The following ZNF783 variants were observed in gnomAD, a reference collection of about 807,000 sequenced individuals.
The protein encoded by ZNF783 is protein ZNF783.
A neutral mutation model predicts 31.3 loss-of-function variants in ZNF783; 25 were observed. The ratio of observed to expected loss-of-function variants is 0.80; its 90% CI spans 0.58 to 1.11. The LOEUF is 1.11. Ranked by LOEUF, ZNF783 falls within the 50% of genes most tolerant of loss-of-function variation. The probability of loss-of-function intolerance (pLI) is 0.00; values close to 1 mark genes in which losing one functional copy is unlikely to be tolerated. For missense variants in ZNF783, 797 were observed against 760.0 expected (o/e 1.05, Z -0.57); for synonymous variants, 369 against 319.1 (o/e 1.16, Z -1.66).
At position 149,267,135 on chromosome 7, in the gene ZNF783, G is replaced by A; in HGVS notation, c.586G>A (p.Glu196Lys). The change falls in exon 4 of 6, where the codon GAG becomes AAG. Residue 196 changes from glutamate (E) to lysine (K), a missense_variant. Coordinates refer to ENST00000434415, the MANE Select transcript of ZNF783 (RefSeq NM_001195220.2). ...CAAACCAGACATCCTCACCCGGATAGAGAGGGGAGAGGAGCCTTGTCTTGA... is the reference window on the plus strand; with the variant it reads ...CAAACCAGACATCCTCACCCGGATAAAGAGGGGAGAGGAGCCTTGTCTTGA... ...ISKPDILTRIERGEEPCLDRW... is the reference protein window; with the variant it reads ...ISKPDILTRIKRGEEPCLDRW... 1 of 1,599,608 alleles carries A rather than the reference G, an allele frequency of 6.3e-7. No homozygotes were observed. The highest frequency in any genetic ancestry group is 8.5e-7 in the Non-Finnish European group (1 of 1,179,786).
intron 4 of ZNF783, chr7:149,276,253 GTT>G (rs1230269973): frequency 2.6e-6 from 2 of 763,642 alleles, no homozygotes; most frequent in Non-Finnish European, 3.2e-6. Flanking sequence ...AGACTGTTCT[GTT>G]TCTCATTCTT....
chr7:149,266,956 G>C lies in ZNF783; in HGVS notation c.547+11G>C. 6.2e-7 allele frequency: 1 copy of C among 1,614,084 alleles called. No homozygotes were observed. The highest frequency in any genetic ancestry group is 1.1e-5 in the South Asian group (1 of 91,066). Reference sequence around the variant, plus strand: ...CGCTGGTCTCCCTGGGTAAGGCCACGGAGGGAGGATCTGGGCCTCTGTCCA... The same window carrying C: ...CGCTGGTCTCCCTGGGTAAGGCCACCGAGGGAGGATCTGGGCCTCTGTCCA... On this transcript the variant is annotated intron_variant, in intron 3 of 5. Transcript: ENST00000434415.
Position 149,284,759 on chromosome 7 carries a change from A to G in ZNF783, c.*2416A>G, listed in dbSNP as rs540186861. 1 of 152,322 alleles carries G rather than the reference A, an allele frequency of 6.6e-6. No homozygotes were observed. Among genetic ancestry groups the G allele is most frequent in the Admixed American group, 6.5e-5 (1 of 15,308 alleles). The allele number at this position is 152,322 out of a possible 1,614,324, so 9.4% of individuals were successfully genotyped here. A position where few individuals can be genotyped will look rare whatever the true frequency, so the allele number is the denominator to read the frequency against. ...TTTGCCTAGCACTCAGACCTGTTTA[A>G]GTAACGTTCTTTACATTGAAACAAG... On this transcript the variant is annotated 3_prime_UTR_variant, in exon 6 of 6. Transcript: ENST00000434415.
chr7:149,262,391 G>T lies in ZNF783; in HGVS notation c.24+34G>T, dbSNP rs1463732381. ...CCTCGGCCCCGCGGACGCCCGGAAG[G>T]CCCAGGCCGCCGCCGCGTGAGCCCG... On this transcript the variant is annotated intron_variant, in intron 1 of 5. Transcript: ENST00000434415. 1.3e-5 allele frequency: 16 copies of T among 1,223,514 alleles called. No homozygotes were observed. The Admixed American group carries it at 1.8e-4, about 14-fold the overall frequency. 75.8% of individuals were successfully genotyped at this position (1,223,514 alleles called of 1,614,324 possible).
At position 149,266,532 on chromosome 7, in the gene ZNF783, C is replaced by T. The variant is rs367827730; in HGVS notation, c.222C>T (p.Ala74=). The stretch of plus-strand genomic sequence containing the variant: ...CTCTGGAGGGGCGCACGGGGACAGC[C>T]GAGAAGAAGCTGGCCGACTGCGAGA... ...LLTLEGRTGT[A]EKKLADCEKT... Residue 74 remains alanine (A), a synonymous_variant, in exon 2 of 6, where the codon GCC becomes GCT. Coordinates refer to ENST00000434415, the MANE Select transcript of ZNF783 (RefSeq NM_001195220.2). The T allele has an allele frequency of 8.4e-5, 136 of 1,613,978 alleles. No individual in the cohort carries two copies. Among genetic ancestry groups the T allele is most frequent in the African/African-American group, 6.7e-4 (50 of 75,028 alleles).
chr7:149,262,498 GC>G, intron 1 of ZNF783, 141 bp downstream of exon 1: 1 of 745,336 alleles, frequency 1.3e-6, no homozygotes, highest in Non-Finnish European at 1.8e-6. Flanking sequence ...CCGGCCCATC[GC>G]CCAGCCCGCG....
At position 149,282,299 on chromosome 7, in the gene ZNF783, G is replaced by C; in HGVS notation, c.1597G>C (p.Gly533Arg). 1.3e-6 allele frequency: 2 copies of C among 1,569,468 alleles called. No individual in the cohort carries two copies. Among genetic ancestry groups the C allele is most frequent in the Non-Finnish European group, 1.7e-6 (2 of 1,166,106 alleles). Residue 533 changes from glycine to arginine, a missense_variant, in exon 6 of 6, where the codon GGG becomes CGG. By Grantham distance (125) the Gly-to-Arg change is moderately radical (BLOSUM62 -2). Coordinates refer to ENST00000434415, the MANE Select transcript of ZNF783 (RefSeq NM_001195220.2). ...CTTCCCTGCCGCCCCCGCCCGCCAC[G>C]GGAGCCTGCCCCTGCCCTGGCCCAG... ...PHFPAAPARH[G>R]SLPLPWPSRK... is the part of the protein sequence containing the mutation.
chr7:149,263,165 G>T (rs1796976300), intron 1 of ZNF783, among the ~76,000 whole-genome samples: 1 of 151,790 alleles, frequency 6.6e-6, no homozygotes, highest in South Asian at 2.1e-4. Flanking sequence ...CTGACCTCGT[G>T]ATCTGCCCGC....
chr7:149,278,069 G>A (rs1797374941), intron 4 of ZNF783: 1 of 862,332 alleles, frequency 1.2e-6, no homozygotes, highest in East Asian at 6.8e-5. Context: ...GACTGCGGGA[G>A]GTGGTGACCA....
At chr7:149,270,898 A>G (rs980569594) in intron 4 of ZNF783, among the ~76,000 whole-genome samples, 1 of 152,232 alleles carries the variant, frequency 6.6e-6, no homozygotes, top group Non-Finnish European at 1.5e-5. Context: ...TTGGAAAGAA[A>G]AAAGAAATCA....
rs1212638349 is a variant in ZNF783 at position 149,266,725 on chromosome 7, C to T, written c.415C>T (p.Pro139Ser). 8.7e-6 allele frequency: 14 copies of T among 1,613,630 alleles called. No homozygotes were observed. Among genetic ancestry groups the T allele is most frequent in the Non-Finnish European group, 1.2e-5 (14 of 1,179,834 alleles). Reference protein sequence around the residue: ...RLPPGSKGEAPKVPVTFDDVA... With the variant: ...RLPPGSKGEASKVPVTFDDVA... Reference sequence around the variant, plus strand: ...GCCCCCGGGCAGCAAGGGGGAGGCCCCCAAGGTAGCACCGGGACACCCTGG... The same window carrying T: ...GCCCCCGGGCAGCAAGGGGGAGGCCTCCAAGGTAGCACCGGGACACCCTGG... The change falls in exon 2 of 6, where the codon CCC (proline) becomes TCC (serine). Residue 139 changes from proline (P) to serine (S), a missense_variant. Transcript: ENST00000434415.
rs867612408 is a variant in ZNF783, at chr7:149,266,546, C to T, written c.236C>T (p.Ala79Val). The T allele has an allele frequency of 6.2e-7, 1 of 1,614,160 alleles. No homozygotes were observed. The highest frequency in any genetic ancestry group is 8.5e-7 in the Non-Finnish European group (1 of 1,180,044). The change falls in exon 2 of 6, where the codon GCC becomes GTC. Residue 79 changes from alanine (A) to valine (V), a missense_variant. Coordinates refer to ENST00000434415, the MANE Select transcript of ZNF783 (RefSeq NM_001195220.2). ...GRTGTAEKKL[A>V]DCEKTAVEFG... ...ACGGGGACAGCCGAGAAGAAGCTGG[C>T]CGACTGCGAGAAGACAGCTGTGGAG... is the stretch of plus-strand genomic sequence containing the variant.
chr7:149,267,023 G>T, intron 3 of ZNF783, 74 bp from the exon 4 acceptor site: 1 of 1,611,842 alleles, frequency 6.2e-7, no homozygotes, highest in Non-Finnish European at 8.5e-7. Flanking sequence ...TTTGGCTTTT[G>T]GTACTTTGGG....
At chr7:149,262,463 C>A in intron 1 of ZNF783, 106 bp downstream of exon 1, 1 of 947,864 alleles carries the variant, frequency 1.1e-6, no homozygotes, top group Non-Finnish European at 1.3e-6. Flanking sequence ...GAGGGCCTTG[C>A]GCGCAGCCTC....
Position 149,284,406 on chromosome 7 carries a change from G to C in ZNF783, c.*2063G>C, listed in dbSNP as rs1797554687. The C allele has an allele frequency of 6.6e-6, 1 of 152,310 alleles. No homozygotes were observed. The highest frequency in any genetic ancestry group is 2.1e-4 in the South Asian group (1 of 4,830). The allele number at this position is 152,310 out of a possible 1,614,324, so 9.4% of individuals were successfully genotyped here. A position where few individuals can be genotyped will look rare whatever the true frequency, so the allele number is the denominator to read the frequency against. ...AGTTCAGCCAGGCTCCCTTGGGTTT[G>C]GGAAGAGGCACTGCCCTTCTGTGCT... On this transcript the variant is annotated 3_prime_UTR_variant, in exon 6 of 6. Coordinates refer to ENST00000434415, the MANE Select transcript of ZNF783 (RefSeq NM_001195220.2).
At position 149,268,979 on chromosome 7, in the gene ZNF783, G is replaced by A. The variant is rs1230998960; in HGVS notation, c.673+1757G>A. On this transcript the variant is annotated intron_variant, in intron 4 of 5. Coordinates refer to ENST00000434415, the MANE Select transcript of ZNF783 (RefSeq NM_001195220.2). ...TATATACCCAGTAACAGGATTGCTG[G>A]GTCAAATGGTAGTTCTGTTTTAAGT... Among the ~76,000 whole-genome samples, 7 of 152,220 alleles carry A rather than the reference G, an allele frequency of 4.6e-5. No individual in the cohort carries two copies. The South Asian group carries it at 6.2e-4, about 14-fold the overall frequency.
rs1563200494 is a variant in ZNF783 at position 149,282,289 on chromosome 7, C to CGCCCGCCACGGGAGCCTGCCCCT, written c.1592_1614dup (p.Trp539AlafsTer34). 1.9e-6 allele frequency: 3 copies of CGCCCGCCACGGGAGCCTGCCCCT among 1,569,404 alleles called. No individual in the cohort carries two copies. The highest frequency in any genetic ancestry group is 2.7e-5 in the African/African-American group (2 of 74,178). ...TGGGCCCACACTTCCCTGCCGCCCC[C>CGCCCGCCACGGGAGCCTGCCCCT]GCCCGCCACGGGAGCCTGCCCCTGC... On this transcript the variant is annotated frameshift_variant, in exon 6 of 6. Transcript: ENST00000434415. LOFTEE classifies it low-confidence loss of function (END_TRUNC).
Position 149,282,285 on chromosome 7 carries a change from C to A in ZNF783, c.1583C>A (p.Ala528Asp), listed in dbSNP as rs767398607. 6.4e-6 allele frequency: 10 copies of A among 1,570,744 alleles called. No homozygotes were observed. The highest frequency in any genetic ancestry group is 1.1e-5 in the South Asian group (1 of 87,914). The change falls in exon 6 of 6, where the codon GCC becomes GAC. Residue 528 changes from alanine (A) to aspartate (D), a missense_variant. Physicochemically the swap from Ala to Asp is moderately radical, Grantham distance 126 (BLOSUM62 -2). Coordinates refer to ENST00000434415, the MANE Select transcript of ZNF783 (RefSeq NM_001195220.2). ...CAGGTGGGCCCACACTTCCCTGCCG[C>A]CCCCGCCCGCCACGGGAGCCTGCCC... The part of the protein sequence containing the change: ...RGQVGPHFPA[A>D]PARHGSLPLP...
chr7:149,263,073 C>T (rs1420536286), intron 1 of ZNF783, among the ~76,000 whole-genome samples: 4 of 151,174 alleles, frequency 2.6e-5, no homozygotes, highest in African/African-American at 9.7e-5. Context: ...GGACTACAGG[C>T]GCCTGCTACC....
Sources: gnomAD v4.1 joint callset for allele counts (sites outside exome capture counted in the v4.1 genomes callset) on GRCh38, gnomAD v4.1.1 for gene constraint, MANE v1.5 for transcripts, NCBI Gene and HGNC (gene_info 2026-07-23, HGNC 2026-07-21) for gene names.